KIAA1549: variants seen among roughly 807,000 people sequenced by gnomAD.
The protein encoded by KIAA1549 is KIAA1549.
KIAA1549 carries 70 observed loss-of-function variants against 156.4 expected under a neutral mutation model. That is an observed-to-expected ratio of 0.45 (90% CI 0.37 to 0.55). The LOEUF (loss-of-function observed/expected upper bound fraction) is 0.55. Among genes scored for constraint, KIAA1549 ranks in the 20% least tolerant of loss-of-function variants. KIAA1549 has a pLI of 0.00. For missense variants in KIAA1549, 2,428 were observed against 2,540.9 expected (o/e 0.96, Z 0.96); for synonymous variants, 1,103 against 1,066.4 (o/e 1.03, Z -0.67).
In KIAA1549 at chr7:138,844,384, A is replaced by G. The variant is rs753165164; in HGVS notation, c.5385T>C (p.Ala1795=). 4 of 1,612,046 alleles carry G rather than the reference A, an allele frequency of 2.5e-6. No homozygotes were observed. The highest frequency in any genetic ancestry group is 2.2e-5 in the South Asian group (2 of 90,868). ...QPQASAEAPF[A]ARGIYSEEMP... ...TCTCCTCCGAGTAGATCCCTCTGGC[A>G]GCAAATGGGGCTTCGGCGGAGGCCT... The change falls in exon 18 of 20, where the codon GCT becomes GCC. Residue 1795 remains alanine (A), a synonymous_variant. Coordinates refer to ENST00000422774, the MANE Select transcript of KIAA1549 (RefSeq NM_001164665.2).
At chr7:138,875,497 A>C (rs951067062) in intron 12 of KIAA1549, among the ~76,000 whole-genome samples, 2 of 152,060 alleles carry the variant, frequency 1.3e-5, no homozygotes, top group African/African-American at 4.8e-5. Flanking sequence ...GTAAATAAAA[A>C]GTTAGCTGGG....
intron 1 of KIAA1549, among the ~76,000 whole-genome samples, chr7:138,977,770 G>A (rs1814424319): frequency 6.6e-6 from 1 of 152,040 alleles, no homozygotes; most frequent in African/African-American, 2.4e-5. Flanking sequence ...CGCCATCTCG[G>A]CTCACTGCAA....
chr7:138,832,199 T>C lies in KIAA1549; in HGVS notation c.*5707A>G. The stretch of plus-strand genomic sequence containing the variant: ...GTCCCTTTTACCTATTCCTTTTTTT[T>C]TTTTTTTTTTTTCCAGAGACAGGAC... On this transcript the variant is annotated 3_prime_UTR_variant, in exon 20 of 20. Coordinates refer to ENST00000422774, the MANE Select transcript of KIAA1549 (RefSeq NM_001164665.2). The C allele has an allele frequency of 4.7e-6, 1 of 214,350 alleles. No individual in the cohort carries two copies. The allele number at this position is 214,350 out of a possible 1,614,324, so 13.3% of individuals were successfully genotyped here.
intron 19 of KIAA1549, among the ~76,000 whole-genome samples, chr7:138,839,699 G>C (rs1187249902): frequency 6.7e-6 from 1 of 149,052 alleles, no homozygotes; most frequent in South Asian, 2.2e-4. Context: ...AAATGTGAGA[G>C]AGATTAAAAC....
At chr7:138,876,202 G>A (rs78262466) in intron 12 of KIAA1549, among the ~76,000 whole-genome samples, 1,675 of 152,118 alleles carry the variant, frequency 0.011, 18 homozygotes, top group African/African-American at 0.037. Flanking sequence ...ACCTTGAAAA[G>A]GTCTCTAGGA....
rs546946958 is a variant in KIAA1549 at position 138,935,536 on chromosome 7, C to T, written c.188-16098G>A. ...AAATAATTTAATTTAAAACACAGTCCTGTAACAACAGGGAAAAGGACACCA... is the reference window on the plus strand; with the variant it reads ...AAATAATTTAATTTAAAACACAGTCTTGTAACAACAGGGAAAAGGACACCA... On this transcript the variant is annotated intron_variant, in intron 1 of 19. Coordinates refer to ENST00000422774, the MANE Select transcript of KIAA1549 (RefSeq NM_001164665.2). 3.9e-5 allele frequency among the ~76,000 whole-genome samples: 6 copies of T among 152,270 alleles called. No homozygotes were observed. The East Asian group carries it at 1.2e-3, about 29-fold the overall frequency.
intron 1 of KIAA1549, among the ~76,000 whole-genome samples, chr7:138,950,439 T>G (rs1266682199): frequency 6.6e-6 from 1 of 152,038 alleles, no homozygotes; most frequent in East Asian, 1.9e-4. Flanking sequence ...GAGAAGGAGT[T>G]GAGAGCCTTC....
intron 7 of KIAA1549, 36 bp from the exon 8 acceptor site, chr7:138,903,772 C>A: frequency 6.6e-7 from 1 of 1,521,984 alleles, no homozygotes; most frequent in Admixed American, 2.0e-5. Flanking sequence ...GCACCCAAAA[C>A]AAGTCAGCAG....
chr7:138,958,719 T>C (rs1395293407), intron 1 of KIAA1549, among the ~76,000 whole-genome samples: 1 of 152,084 alleles, frequency 6.6e-6, no homozygotes, highest in East Asian at 1.9e-4. Context: ...GGTTTCTTCC[T>C]AGCAACCCCG....
At chr7:138,924,785 G>A (rs7809049) in intron 1 of KIAA1549, among the ~76,000 whole-genome samples, 72,268 of 151,950 alleles carry the variant, frequency 0.48, 20,789 homozygotes, top group African/African-American at 0.82. Flanking sequence ...CTCACAGCAT[G>A]AAAGGCGTCA....
At chr7:138,938,967 A>G (rs956172824) in intron 1 of KIAA1549, among the ~76,000 whole-genome samples, 2 of 152,208 alleles carry the variant, frequency 1.3e-5, no homozygotes, top group African/African-American at 4.8e-5. Context: ...AGAATAGCTT[A>G]AACCTGGGAG....
At chr7:138,890,493 C>T (rs1280279694) in intron 10 of KIAA1549, among the ~76,000 whole-genome samples, 1 of 152,208 alleles carries the variant, frequency 6.6e-6, no homozygotes, top group Non-Finnish European at 1.5e-5. Context: ...AAGTTATTGC[C>T]ATCTGTTTGT....
chr7:138,962,481 T>G (rs1463914), intron 1 of KIAA1549, among the ~76,000 whole-genome samples: 32,773 of 152,030 alleles, frequency 0.22, 4,171 homozygotes, highest in African/African-American at 0.35. Flanking sequence ...ACTTTTGAGC[T>G]CCAGATCTTA....
chr7:138,834,180 G>C lies in KIAA1549; in HGVS notation c.*3726C>G, dbSNP rs559089267. ...TTTGAACAAATTTTTTTCTTTTTGA[G>C]ACACAGTCTTGCTCTGTCGCCCAGG... On this transcript the variant is annotated 3_prime_UTR_variant, in exon 20 of 20. Coordinates refer to ENST00000422774, the MANE Select transcript of KIAA1549 (RefSeq NM_001164665.2). 1 of 197,172 alleles carries C rather than the reference G, an allele frequency of 5.1e-6. No individual in the cohort carries two copies. Among genetic ancestry groups the C allele is most frequent in the East Asian group, 8.0e-5 (1 of 12,554 alleles). 12.2% of individuals were successfully genotyped at this position (197,172 alleles called of 1,614,324 possible).
intron 1 of KIAA1549, among the ~76,000 whole-genome samples, chr7:138,974,811 C>T (rs946234713): frequency 5.3e-5 from 8 of 150,360 alleles, no homozygotes; most frequent in Admixed American, 3.3e-4. Context: ...GTTGCCTGGT[C>T]AAATAAAATA....
chr7:138,872,765 G>A (rs1483136162), intron 12 of KIAA1549, among the ~76,000 whole-genome samples: 2 of 152,136 alleles, frequency 1.3e-5, no homozygotes, highest in Non-Finnish European at 2.9e-5. Context: ...TTAGTTGGGC[G>A]TGGTGGCACA....
At chr7:138,842,225 C>T (rs1809941643) in intron 18 of KIAA1549, among the ~76,000 whole-genome samples, 1 of 152,182 alleles carries the variant, frequency 6.6e-6, no homozygotes, top group Non-Finnish European at 1.5e-5. Flanking sequence ...ATTTTGTATC[C>T]TGTGTTGTTC....
At chr7:138,838,602 A>C (rs1584977915) in intron 19 of KIAA1549, among the ~76,000 whole-genome samples, 1 of 152,188 alleles carries the variant, frequency 6.6e-6, no homozygotes, top group Non-Finnish European at 1.5e-5. Context: ...AGTTTTGCTG[A>C]TATTTGCCGC....
At chr7:138,939,773 A>G (rs1288659420) in intron 1 of KIAA1549, among the ~76,000 whole-genome samples, 2 of 152,194 alleles carry the variant, frequency 1.3e-5, no homozygotes, top group East Asian at 3.9e-4. Flanking sequence ...TCTTCACATA[A>G]TGACTAGGCA....
Sources: gnomAD v4.1 joint callset for allele counts (sites outside exome capture counted in the v4.1 genomes callset) on GRCh38, gnomAD v4.1.1 for gene constraint, MANE v1.5 for transcripts, NCBI Gene and HGNC (gene_info 2026-07-23, HGNC 2026-07-21) for gene names.